The following CPA4 variants were observed in gnomAD, a reference collection of about 807,000 sequenced individuals.
CPA4 encodes carboxypeptidase A3.
A neutral mutation model predicts 54.7 loss-of-function variants in CPA4; 49 were observed. That is an observed-to-expected ratio of 0.90 (90% CI 0.71 to 1.14). CPA4 has a LOEUF of 1.14. CPA4 is among the 50% of genes most tolerant of loss of function. CPA4 has a pLI of 0.00. For synonymous variants in CPA4, 215 were observed against 206.8 expected, an observed-to-expected ratio of 1.04 and a Z score of -0.34; for missense variants, 487 against 525.1, an observed-to-expected ratio of 0.93 and a Z score of 0.71.
At position 130,322,955 on chromosome 7, in the gene CPA4, C is replaced by A. The variant is rs1432942642; in HGVS notation, c.*279C>A. ...CTGCTGGCTGGGCGGCTGCACTCAG[C>A]ATCACCCCTTCCTGGGTGGCATGTC... On this transcript the variant is annotated 3_prime_UTR_variant, in exon 11 of 11. Coordinates refer to ENST00000222482, the MANE Select transcript of CPA4 (RefSeq NM_016352.4). 1 of 345,278 alleles carries A rather than the reference C, an allele frequency of 2.9e-6. No individual in the cohort carries two copies. The highest frequency in any genetic ancestry group is 5.3e-6 in the Non-Finnish European group (1 of 189,840). The allele number at this position is 345,278 out of a possible 1,614,324, so 21.4% of individuals were successfully genotyped here.
At chr7:130,307,914 T>A (rs146829079) in intron 7 of CPA4, among the ~76,000 whole-genome samples, 109 of 152,320 alleles carry the variant, frequency 7.2e-4, no homozygotes, top group African/African-American at 2.5e-3. Flanking sequence ...GGTCTAGAGC[T>A]TGATTGGATT....
intron 10 of CPA4, among the ~76,000 whole-genome samples, chr7:130,316,007 G>A (rs1271745577): frequency 6.6e-6 from 1 of 152,080 alleles, no homozygotes; most frequent in Non-Finnish European, 1.5e-5. Context: ...GTATCAACCA[G>A]TATGGGGGTT....
intron 4 of CPA4, 119 bp from the exon 5 acceptor site, chr7:130,304,359 C>A: frequency 2.6e-6 from 2 of 755,728 alleles, no homozygotes; most frequent in South Asian, 2.9e-5. Flanking sequence ...ATAATATGGT[C>A]AATTCCAAGA....
chr7:130,309,576 C>A (rs1793880386), intron 8 of CPA4, among the ~76,000 whole-genome samples: 1 of 152,198 alleles, frequency 6.6e-6, no homozygotes, highest in Non-Finnish European at 1.5e-5. Flanking sequence ...GTACTAAGTA[C>A]CTTCCGGTAT....
intron 10 of CPA4, among the ~76,000 whole-genome samples, chr7:130,321,788 C>A (rs113457300): frequency 0.03 from 4,500 of 152,238 alleles, 82 homozygotes; most frequent in African/African-American, 0.047. Context: ...ATGGGGGAAA[C>A]CACTCCCATG....
chr7:130,313,321 G>A (rs369243474), intron 10 of CPA4, among the ~76,000 whole-genome samples: 3 of 152,210 alleles, frequency 2.0e-5, no homozygotes, highest in South Asian at 2.1e-4. Flanking sequence ...CCTGTGTTAC[G>A]ATTTTGTTTC....
In CPA4 at chr7:130,306,013, G is replaced by C. The variant is rs971323542; in HGVS notation, c.591+93G>C. 14 of 1,026,200 alleles carry C rather than the reference G, an allele frequency of 1.4e-5. No individual in the cohort carries two copies. In the African/African-American group the frequency reaches 1.7e-4, roughly 13 times the overall value. 63.6% of individuals were successfully genotyped at this position (1,026,200 alleles called of 1,614,324 possible). ...CTGGGCCTGGGGCACGAGGTGGGAG[G>C]GTTCTCTACTAAGACCCAGTCGGCT... On this transcript the variant is annotated intron_variant, in intron 6 of 10. Transcript: ENST00000222482.
At chr7:130,298,230 G>C (rs937790374) in intron 1 of CPA4, among the ~76,000 whole-genome samples, 1 of 152,236 alleles carries the variant, frequency 6.6e-6, no homozygotes, top group Non-Finnish European at 1.5e-5. Flanking sequence ...TGGAGGTTCC[G>C]TCAGGGTTTC....
At chr7:130,306,585 G>A (rs770098895) in intron 6 of CPA4, among the ~76,000 whole-genome samples, 11 of 152,284 alleles carry the variant, frequency 7.2e-5, no homozygotes, top group Middle Eastern at 3.4e-3. Context: ...CCAAGCAGCC[G>A]TGTCTCTCCA....
rs767802290 is a variant in CPA4, at chr7:130,300,768, A to G, written c.286-48A>G. 7 of 1,347,262 alleles carry G rather than the reference A, an allele frequency of 5.2e-6. No individual in the cohort carries two copies. In the South Asian group the frequency reaches 7.0e-5, roughly 14 times the overall value. The allele number at this position is 1,347,262 out of a possible 1,614,324, so 83.5% of individuals were successfully genotyped here. ...CAAAGATATGGCAGAAAAAACATAA[A>G]CCTGCGTCTGCAATGGATCACTTCA... On this transcript the variant is annotated intron_variant, in intron 3 of 10. Coordinates refer to ENST00000222482, the MANE Select transcript of CPA4 (RefSeq NM_016352.4).
intron 10 of CPA4, 136 bp downstream of exon 10, chr7:130,312,258 C>T: frequency 1.5e-6 from 1 of 659,066 alleles, no homozygotes; most frequent in South Asian, 1.8e-5. Context: ...TGAACTACAT[C>T]ATGCCTGTGT....
At position 130,310,168 on chromosome 7, in the gene CPA4, G is replaced by C. The variant is rs1191039439; in HGVS notation, c.794-619G>C. 1.3e-5 allele frequency among the ~76,000 whole-genome samples: 2 copies of C among 152,146 alleles called. No individual in the cohort carries two copies. Among genetic ancestry groups the C allele is most frequent in the Non-Finnish European group, 2.9e-5 (2 of 68,038 alleles). On this transcript the variant is annotated intron_variant, in intron 8 of 10. Coordinates refer to ENST00000222482, the MANE Select transcript of CPA4 (RefSeq NM_016352.4). This position sits in a 1 kb window ranked among gnomAD's most constrained non-coding sequence, Gnocchi z 4.3. The stretch of plus-strand genomic sequence containing the variant: ...GTGGGAAAGGAACTGATACAAATGT[G>C]GGAACTCAGAGCTTCAAAGTTAAGT...
chr7:130,312,373 G>A (rs1030049192), intron 10 of CPA4, among the ~76,000 whole-genome samples: 2 of 152,172 alleles, frequency 1.3e-5, no homozygotes, highest in African/African-American at 4.8e-5. Flanking sequence ...TTGGTAAACT[G>A]ATGGTGGTAG....
intron 10 of CPA4, among the ~76,000 whole-genome samples, chr7:130,314,716 A>G (rs1412361152): frequency 6.6e-6 from 1 of 152,238 alleles, no homozygotes; most frequent in Non-Finnish European, 1.5e-5. Context: ...GGGTAGGAGT[A>G]AAGTCCTGGA....
intron 4 of CPA4, among the ~76,000 whole-genome samples, chr7:130,303,656 G>T (rs372321120): frequency 3.9e-5 from 6 of 152,008 alleles, no homozygotes; most frequent in South Asian, 2.1e-4. Context: ...TTCAGACAGG[G>T]TCTCACTTGT....
chr7:130,293,450 T>C, intron 1 of CPA4: 1 of 555,072 alleles, frequency 1.8e-6, no homozygotes. Flanking sequence ...TAGATGATCA[T>C]TGCAGTCTCT....
rs764283933 is a variant in CPA4 at position 130,311,205 on chromosome 7, C to T, written c.993+219C>T. 7.2e-5 allele frequency among the ~76,000 whole-genome samples: 11 copies of T among 152,280 alleles called. No homozygotes were observed. The East Asian group carries it at 1.2e-3, about 16-fold the overall frequency. On this transcript the variant is annotated intron_variant, in intron 9 of 10. Coordinates refer to ENST00000222482, the MANE Select transcript of CPA4 (RefSeq NM_016352.4). ...TGTGTCTGCTATGAGTTCCCAGAAC[C>T]GTGCCTGCCCCGCCTTTCCGTCTCC...
chr7:130,308,095 T>G, intron 7 of CPA4: 1 of 583,706 alleles, frequency 1.7e-6, no homozygotes, highest in Non-Finnish European at 3.1e-6. Flanking sequence ...CATCAGTACA[T>G]TTGGAAGAAG....
chr7:130,301,673 T>G (rs1793740195), intron 4 of CPA4, among the ~76,000 whole-genome samples: 1 of 152,194 alleles, frequency 6.6e-6, no homozygotes, highest in Non-Finnish European at 1.5e-5. Flanking sequence ...GTTGTTGGCA[T>G]GCATTTCACA....
Sources: gnomAD v4.1 joint callset for allele counts (sites outside exome capture counted in the v4.1 genomes callset) on GRCh38, gnomAD v4.1.1 for gene constraint, Gnocchi (gnomAD v3.1) non-coding constraint, MANE v1.5 for transcripts, NCBI Gene and HGNC (gene_info 2026-07-23, HGNC 2026-07-21) for gene names.